The following MED13 variants were observed in gnomAD, a reference collection of about 807,000 sequenced individuals.
MED13 encodes the protein mediator of RNA polymerase II transcription subunit 13.
A neutral mutation model predicts 225.2 loss-of-function variants in MED13; 23 were observed. That is an observed-to-expected ratio of 0.10 (90% CI 0.07 to 0.14). The LOEUF is 0.14. Ranked by LOEUF, MED13 falls within the 10% of genes least tolerant of loss-of-function variation. The pLI, the probability that MED13 is intolerant of heterozygous loss-of-function variation, is 1.00. For synonymous variants in MED13, 942 were observed against 889.2 expected, an observed-to-expected ratio of 1.06 and a Z score of -1.06; for missense variants, 2,197 against 2,594.5, an observed-to-expected ratio of 0.85 and a Z score of 3.33.
intron 2 of MED13, among the ~76,000 whole-genome samples, chr17:62,054,741 T>C (rs902917239): frequency 4.6e-5 from 7 of 152,220 alleles, no homozygotes; most frequent in African/African-American, 1.7e-4. Flanking sequence ...AGAATATACA[T>C]GTTCTTAATT....
intron 10 of MED13, among the ~76,000 whole-genome samples, 153 bp from the exon 11 acceptor site, chr17:61,992,774 T>C (rs1258766940): frequency 1.4e-4 from 1 of 7,152 alleles, no homozygotes; most frequent in African/African-American, 6.6e-4. Context: ...GTATGCTTAT[T>C]ATTACTTTTT....
intron 17 of MED13, among the ~76,000 whole-genome samples, chr17:61,969,365 AC>A (rs200328884): frequency 0.066 from 9,920 of 150,408 alleles, 568 homozygotes; most frequent in South Asian, 0.31. Context: ...AAACAAACAA[AC>A]AAAAAATTGG....
chr17:62,038,442 A>T (rs2080824893), intron 3 of MED13, among the ~76,000 whole-genome samples: 1 of 152,138 alleles, frequency 6.6e-6, no homozygotes, highest in South Asian at 2.1e-4. Flanking sequence ...TAATTTTAAA[A>T]ATTATTTTAA....
intron 8 of MED13, among the ~76,000 whole-genome samples, chr17:62,011,821 G>A (rs1438690597): frequency 1.3e-5 from 2 of 152,090 alleles, no homozygotes; most frequent in Admixed American, 1.3e-4. Flanking sequence ...GACTAGAAAA[G>A]GGAAAGAAAA....
At chr17:62,064,288 C>G (rs2081063901) in intron 1 of MED13, among the ~76,000 whole-genome samples, 1 of 152,186 alleles carries the variant, frequency 6.6e-6, no homozygotes, top group Non-Finnish European at 1.5e-5. Context: ...ACAGTTGGTA[C>G]TTCTGAAAGC....
At chr17:61,965,537 T>A in intron 19 of MED13, 69 bp from the exon 20 acceptor site, 1 of 1,397,542 alleles carries the variant, frequency 7.2e-7, no homozygotes, top group Non-Finnish European at 9.6e-7. Flanking sequence ...AATTCTACTG[T>A]GTAAACAGAA....
chr17:62,059,312 T>G (rs1236786050), intron 2 of MED13, among the ~76,000 whole-genome samples: 1 of 152,234 alleles, frequency 6.6e-6, no homozygotes, highest in Non-Finnish European at 1.5e-5. Flanking sequence ...TTACTGAATA[T>G]TCCAGTTAAG....
chr17:62,003,623 C>CAAAAAAAAAAAAAAAAAAAAAAAAAA (rs1335956503), intron 9 of MED13: 1 of 86,076 alleles, frequency 1.2e-5, no homozygotes, highest in African/African-American at 5.2e-5. Flanking sequence ...AAAAAAAAAG[C>CAAAAAAAAAAAAAAAAAAAAAAAAAA]AAAAAGTGAA....
intron 9 of MED13, among the ~76,000 whole-genome samples, chr17:61,998,002 C>A (rs2080360324): frequency 6.6e-6 from 1 of 152,048 alleles, no homozygotes; most frequent in South Asian, 2.1e-4. Flanking sequence ...TTAGCATGTG[C>A]AAAGAATTTA....
intron 3 of MED13, among the ~76,000 whole-genome samples, chr17:62,051,681 A>G (rs940625717): frequency 1.8e-4 from 27 of 152,340 alleles, no homozygotes; most frequent in African/African-American, 6.5e-4. Flanking sequence ...AAAGATGTGC[A>G]TATATGACAT....
At chr17:61,963,041 C>G (rs1459452588) in intron 20 of MED13, 70 bp from the exon 21 acceptor site, 1 of 1,251,172 alleles carries the variant, frequency 8.0e-7, no homozygotes, top group East Asian at 2.4e-5. Flanking sequence ...TAAGCAGGTT[C>G]TTAATATCCC....
At chr17:62,031,702 CAA>C in intron 5 of MED13, 64 bp from the exon 6 acceptor site, 1 of 1,066,042 alleles carries the variant, frequency 9.4e-7, no homozygotes, top group Non-Finnish European at 1.3e-6. Context: ...TAGTTTCACT[CAA>C]AAGTACTATA....
At chr17:61,976,156 A>T (rs1020731055) in intron 16 of MED13, among the ~76,000 whole-genome samples, 12 of 152,264 alleles carry the variant, frequency 7.9e-5, no homozygotes, top group African/African-American at 2.9e-4. Flanking sequence ...AAGTGGAAAA[A>T]ATCTAAATAT....
chr17:61,992,448 C>T (rs903909886), intron 11 of MED13, 92 bp downstream of exon 11: 14 of 728,738 alleles, frequency 1.9e-5, no homozygotes, highest in Non-Finnish European at 3.1e-5. Context: ...ATGAATTATA[C>T]AAAAAGGAAC....
At chr17:62,021,084 A>G (rs975178769) in intron 8 of MED13, among the ~76,000 whole-genome samples, 19 of 150,526 alleles carry the variant, frequency 1.3e-4, no homozygotes, top group Non-Finnish European at 2.7e-4. Flanking sequence ...TCCCATGTCT[A>G]CCTCTTTCTA....
intron 8 of MED13, among the ~76,000 whole-genome samples, chr17:62,015,334 G>A (rs547787205): frequency 6.6e-6 from 1 of 152,186 alleles, no homozygotes; most frequent in African/African-American, 2.4e-5. Flanking sequence ...ATAGCATAAG[G>A]ATTTGCCAAA....
At chr17:61,979,875 T>C (rs932983898) in intron 16 of MED13, among the ~76,000 whole-genome samples, 3 of 152,164 alleles carry the variant, frequency 2.0e-5, no homozygotes, top group Admixed American at 1.3e-4. Context: ...AAGTATTTGA[T>C]AGAGATGATC....
intron 3 of MED13, among the ~76,000 whole-genome samples, chr17:62,048,056 A>ATATATATATATG (rs1568001055): frequency 1.4e-5 from 2 of 145,152 alleles, no homozygotes; most frequent in African/African-American, 5.0e-5. Context: ...ATATATATAT[A>ATATATATATATG]TATATATGTA....
chr17:61,993,056 C>T (rs1038064886), intron 10 of MED13, among the ~76,000 whole-genome samples: 10 of 152,138 alleles, frequency 6.6e-5, no homozygotes, highest in South Asian at 2.1e-4. Context: ...TGAGCCACCA[C>T]GCCTGGCCTG....
Sources: gnomAD v4.1 joint callset for allele counts (sites outside exome capture counted in the v4.1 genomes callset) on GRCh38, gnomAD v4.1.1 for gene constraint, MANE v1.5 for transcripts, NCBI Gene and HGNC (gene_info 2026-07-23, HGNC 2026-07-21) for gene names.